CACNA1C: variants seen among roughly 807,000 people sequenced by gnomAD.
CACNA1C encodes voltage-dependent L-type calcium channel subunit alpha-1C.
A neutral mutation model predicts 229.0 loss-of-function variants in CACNA1C; 30 were observed. The observed-to-expected ratio is 0.13, with a 90% CI of 0.10 to 0.18. The LOEUF (loss-of-function observed/expected upper bound fraction) is 0.18. CACNA1C is among the 10% of genes least tolerant of loss of function. The pLI, the probability that CACNA1C is intolerant of heterozygous loss-of-function variation, is 1.00. For missense variants in CACNA1C, 1,658 were observed against 2,845.0 expected, an observed-to-expected ratio of 0.58 and a Z score of 9.49; for synonymous variants, 1,114 against 1,132.5, an observed-to-expected ratio of 0.98 and a Z score of 0.33.
chr12:2,450,637 G>A (rs1005907619), intron 4 of CACNA1C, among the ~76,000 whole-genome samples: 1 of 150,560 alleles, frequency 6.6e-6, no homozygotes, highest in South Asian at 2.1e-4. Flanking sequence ...GCCCATTGCA[G>A]CAGATTTTAC....
intron 13 of CACNA1C, among the ~76,000 whole-genome samples, chr12:2,572,170 C>T (rs1319415409): frequency 6.6e-6 from 1 of 151,830 alleles, no homozygotes; most frequent in East Asian, 1.9e-4. Context: ...TGGAGAGTTC[C>T]ATGCTAGTGG....
intron 3 of CACNA1C, among the ~76,000 whole-genome samples, chr12:2,381,375 C>T (rs1204624389): frequency 1.3e-5 from 2 of 152,210 alleles, no homozygotes; most frequent in South Asian, 2.1e-4. Context: ...TTAGAACTTC[C>T]AAACCTAACG....
intron 3 of CACNA1C, among the ~76,000 whole-genome samples, chr12:2,205,175 A>G (rs536288907): frequency 6.6e-6 from 1 of 152,238 alleles, no homozygotes; most frequent in East Asian, 1.9e-4. Context: ...GAAGCCATGT[A>G]TTCGGGCACT....
chr12:2,641,476 T>G (rs1338070973), intron 30 of CACNA1C: 1 of 546,896 alleles, frequency 1.8e-6, no homozygotes, highest in Non-Finnish European at 3.3e-6. Flanking sequence ...GACAGCTGGG[T>G]GGGGCAGAGG....
At chr12:1,978,632 G>A (rs1162269965) in intron 1 of CACNA1C, among the ~76,000 whole-genome samples, 1 of 152,114 alleles carries the variant, frequency 6.6e-6, no homozygotes, top group Non-Finnish European at 1.5e-5. Context: ...CTGAAAACAA[G>A]ATATAAAATA....
chr12:2,452,769 A>G (rs2099390527), intron 4 of CACNA1C, among the ~76,000 whole-genome samples: 1 of 152,216 alleles, frequency 6.6e-6, no homozygotes, highest in African/African-American at 2.4e-5. Context: ...CCTTCACCGA[A>G]TAGTATTTTG....
At chr12:1,985,388 A>G (rs957491166) in intron 1 of CACNA1C, among the ~76,000 whole-genome samples, 1 of 152,134 alleles carries the variant, frequency 6.6e-6, no homozygotes, top group African/African-American at 2.4e-5. Context: ...TGTCATCTGC[A>G]TTTTGCTATT....
At chr12:2,331,520 A>C (rs553428332) in intron 3 of CACNA1C, among the ~76,000 whole-genome samples, 1 of 152,258 alleles carries the variant, frequency 6.6e-6, no homozygotes, top group African/African-American at 2.4e-5. Context: ...AGAGCTTCCT[A>C]CTGCCTAAAT....
At position 2,665,459 on chromosome 12, in the gene CACNA1C, G is replaced by A; in HGVS notation, c.4399-122G>A. On this transcript the variant is annotated intron_variant, in intron 35 of 46. Coordinates refer to ENST00000399655, the MANE Select transcript of CACNA1C (RefSeq NM_000719.7). The surrounding 1 kb of genome is among the most constrained non-coding windows in gnomAD (Gnocchi z 5.9). Reference sequence around the variant, plus strand: ...ACCCAGGTTCTCAGGCTGGTAGGATGGATGACTGGTCTTTAGAAATGTTGG... The same window carrying A: ...ACCCAGGTTCTCAGGCTGGTAGGATAGATGACTGGTCTTTAGAAATGTTGG... 9.7e-7 allele frequency: 1 copy of A among 1,035,660 alleles called. No individual in the cohort carries two copies. Among genetic ancestry groups the A allele is most frequent in the Non-Finnish European group, 1.5e-6 (1 of 678,840 alleles). The allele number at this position is 1,035,660 out of a possible 1,614,324, so 64.2% of individuals were successfully genotyped here.
intron 3 of CACNA1C, among the ~76,000 whole-genome samples, chr12:2,168,060 G>T (rs774003164): frequency 6.6e-6 from 1 of 152,200 alleles, no homozygotes; most frequent in Non-Finnish European, 1.5e-5. Flanking sequence ...CAGTTTGTGT[G>T]TGGGGGGGAG....
intron 42 of CACNA1C, 124 bp from the exon 43 acceptor site, chr12:2,682,426 G>T: frequency 1.8e-6 from 2 of 1,126,838 alleles, no homozygotes; most frequent in Non-Finnish European, 2.5e-6. Flanking sequence ...GTTCACGTGT[G>T]TGTGCTTGTG....
At chr12:2,546,106 C>G (rs1010847155) in intron 9 of CACNA1C, among the ~76,000 whole-genome samples, 6 of 150,436 alleles carry the variant, frequency 4.0e-5, no homozygotes, top group Non-Finnish European at 7.4e-5. Flanking sequence ...TCTTCCTGCT[C>G]TCCCATGCAG....
chr12:2,159,870 C>A (rs2095759097), intron 3 of CACNA1C, among the ~76,000 whole-genome samples: 2 of 152,208 alleles, frequency 1.3e-5, no homozygotes, highest in South Asian at 4.1e-4. Context: ...TCCCAAAGTG[C>A]TGGGATTATA....
intron 3 of CACNA1C, among the ~76,000 whole-genome samples, chr12:2,298,737 G>A (rs1431014506): frequency 6.6e-6 from 1 of 152,252 alleles, no homozygotes; most frequent in African/African-American, 2.4e-5. Flanking sequence ...CGCAGAATTG[G>A]CTTCTTGTTC....
upstream of CACNA1C, among the ~76,000 whole-genome samples, chr12:2,052,882 C>G (rs181910852): frequency 7.0e-6 from 1 of 143,880 alleles, no homozygotes; most frequent in Non-Finnish European, 1.5e-5. Context: ...AGCGCGTCTG[C>G]CTCCGGCGCG....
chr12:2,022,431 T>A (rs1352838878), intron 1 of CACNA1C, among the ~76,000 whole-genome samples: 2 of 151,978 alleles, frequency 1.3e-5, no homozygotes, highest in Non-Finnish European at 2.9e-5. Context: ...GGTTTGGTAA[T>A]GTTTTTGTGA....
At chr12:2,609,278 G>C (rs564619567) in intron 27 of CACNA1C, among the ~76,000 whole-genome samples, 4 of 152,108 alleles carry the variant, frequency 2.6e-5, no homozygotes, top group Non-Finnish European at 5.9e-5. Flanking sequence ...AAGCTGTCGT[G>C]GTGGGAGGTA....
intron 4 of CACNA1C, among the ~76,000 whole-genome samples, chr12:2,454,073 G>C (rs2099401268): frequency 6.6e-6 from 1 of 152,080 alleles, no homozygotes; most frequent in African/African-American, 2.4e-5. Flanking sequence ...CACCTCCCTG[G>C]AGCCCTCCAG....
At chr12:2,253,275 G>A (rs1370029756) in intron 3 of CACNA1C, among the ~76,000 whole-genome samples, 5 of 152,228 alleles carry the variant, frequency 3.3e-5, no homozygotes, top group East Asian at 3.8e-4. Context: ...TTCGAAGCCC[G>A]TCTAAGCCAC....
Sources: allele counts gnomAD v4.1 joint callset (sites outside exome capture counted in the v4.1 genomes callset), GRCh38; gene constraint gnomAD v4.1.1; non-coding constraint Gnocchi (gnomAD v3.1); transcripts MANE v1.5; gene names NCBI Gene and HGNC (gene_info 2026-07-23, HGNC 2026-07-21).